KLHL29: variants seen among roughly 807,000 people sequenced by gnomAD.
The protein encoded by KLHL29 is kelch-like protein 29.
Under a neutral mutation model 80.4 loss-of-function variants are expected in KLHL29, and 21 were observed. That is an observed-to-expected ratio of 0.26 (90% CI 0.19 to 0.38). The LOEUF (loss-of-function observed/expected upper bound fraction) is 0.38. Ranked by LOEUF, KLHL29 falls within the 10% of genes least tolerant of loss-of-function variation. The pLI is 1.00. For synonymous variants in KLHL29, 511 were observed against 526.8 expected (o/e 0.97, Z 0.41); for missense variants, 867 against 1,223.9 (o/e 0.71, Z 4.35).
intron 3 of KLHL29, among the ~76,000 whole-genome samples, chr2:23,636,333 G>A (rs1669607960): frequency 6.6e-6 from 1 of 151,726 alleles, no homozygotes; most frequent in African/African-American, 2.4e-5. Flanking sequence ...ACTACAGGTT[G>A]CTTGTAGCTT....
chr2:23,638,086 A>G (rs1304282705), intron 3 of KLHL29, among the ~76,000 whole-genome samples: 1 of 18,140 alleles, frequency 5.5e-5, no homozygotes, highest in Admixed American at 2.9e-4. Flanking sequence ...TGGCCATAGT[A>G]AAAAAAAAAA....
intron 2 of KLHL29, among the ~76,000 whole-genome samples, chr2:23,537,539 G>C (rs539320434): frequency 6.7e-6 from 1 of 150,130 alleles, no homozygotes; most frequent in African/African-American, 2.4e-5. Flanking sequence ...TATTATGTCA[G>C]GTGCATTAGT....
chr2:23,608,480 G>T (rs1668782828), intron 3 of KLHL29, among the ~76,000 whole-genome samples: 1 of 151,976 alleles, frequency 6.6e-6, no homozygotes. Flanking sequence ...TCTATGCCTG[G>T]AATATCGTAG....
intron 1 of KLHL29, among the ~76,000 whole-genome samples, chr2:23,416,559 CTTTT>C: frequency 6.6e-6 from 1 of 152,172 alleles, no homozygotes; most frequent in Non-Finnish European, 1.5e-5. Context: ...GGACTCAGCC[CTTTT>C]TTGCCTGTGA....
At chr2:23,585,886 G>A (rs1668105503) in intron 3 of KLHL29, among the ~76,000 whole-genome samples, 1 of 152,190 alleles carries the variant, frequency 6.6e-6, no homozygotes, top group Admixed American at 6.5e-5. Context: ...CCACCGGGGA[G>A]AGTTTAAAAT....
intron 1 of KLHL29, among the ~76,000 whole-genome samples, chr2:23,413,442 A>C (rs1201259018): frequency 6.6e-6 from 1 of 152,202 alleles, no homozygotes. Flanking sequence ...CGTGGGTTTC[A>C]TAATATCATC....
At chr2:23,492,381 T>C (rs35240075) in intron 2 of KLHL29, among the ~76,000 whole-genome samples, 1,778 of 152,280 alleles carry the variant, frequency 0.012, 16 homozygotes, top group Non-Finnish European at 0.019. Flanking sequence ...GGGCTGCTGG[T>C]CTTCTTCACC....
chr2:23,693,313 G>A lies in KLHL29; in HGVS notation c.1327G>A (p.Ala443Thr). The change falls in exon 8 of 14, where the codon GCC (alanine) becomes ACC (threonine). Residue 443 changes from alanine to threonine, a missense_variant. Transcript: ENST00000486442. The part of the protein sequence containing the change: ...ASNCLGVLAM[A>T]EAMQCSELYH... ...CAACTGCCTGGGCGTGCTGGCCATG[G>A]CCGAGGCCATGCAGTGCAGCGAGCT... 6.5e-7 allele frequency: 1 copy of A among 1,549,702 alleles called. No homozygotes were observed. Among genetic ancestry groups the A allele is most frequent in the Non-Finnish European group, 8.7e-7 (1 of 1,146,074 alleles).
At chr2:23,528,485 A>G (rs1666392820) in intron 2 of KLHL29, among the ~76,000 whole-genome samples, 1 of 152,184 alleles carries the variant, frequency 6.6e-6, no homozygotes, top group South Asian at 2.1e-4. Flanking sequence ...TGGACCCTGC[A>G]GCCCTTATAA....
At chr2:23,403,249 C>A (rs1387427458) in intron 1 of KLHL29, among the ~76,000 whole-genome samples, 3 of 152,072 alleles carry the variant, frequency 2.0e-5, no homozygotes, top group Non-Finnish European at 4.4e-5. Flanking sequence ...CCATAGTGAG[C>A]AGTATGTGTT....
At chr2:23,651,344 G>T (rs1056922496) in intron 5 of KLHL29, among the ~76,000 whole-genome samples, 3 of 152,106 alleles carry the variant, frequency 2.0e-5, no homozygotes, top group Non-Finnish European at 4.4e-5. Context: ...GACTAAGACT[G>T]TGAACAGTCT....
At chr2:23,631,370 G>A (rs1386444821) in intron 3 of KLHL29, among the ~76,000 whole-genome samples, 3 of 152,222 alleles carry the variant, frequency 2.0e-5, no homozygotes, top group African/African-American at 7.2e-5. Flanking sequence ...AAGTTGCCCC[G>A]AAAGCAGTAA....
At chr2:23,592,967 G>T (rs961220512) in intron 3 of KLHL29, among the ~76,000 whole-genome samples, 1 of 152,248 alleles carries the variant, frequency 6.6e-6, no homozygotes, top group Admixed American at 6.5e-5. Flanking sequence ...TACCCCACTG[G>T]TCTTCTCAGG....
At chr2:23,531,174 C>G (rs1666479165) in intron 2 of KLHL29, among the ~76,000 whole-genome samples, 1 of 152,244 alleles carries the variant, frequency 6.6e-6, no homozygotes, top group African/African-American at 2.4e-5. Context: ...CCTGTACAGA[C>G]AAGTTTCAAA....
intron 2 of KLHL29, among the ~76,000 whole-genome samples, chr2:23,480,536 A>G (rs1664772581): frequency 6.6e-6 from 1 of 152,058 alleles, no homozygotes; most frequent in Admixed American, 6.6e-5. Flanking sequence ...CTTCCCCCAG[A>G]TATTCTAATT....
intron 11 of KLHL29, chr2:23,697,933 C>T (rs1241707069): frequency 2.0e-5 from 3 of 152,226 alleles, no homozygotes; most frequent in African/African-American, 7.2e-5. Flanking sequence ...GTAAACTGAA[C>T]TGGATCCGTC....
chr2:23,521,458 C>G (rs1047519310), intron 2 of KLHL29, among the ~76,000 whole-genome samples: 1 of 152,218 alleles, frequency 6.6e-6, no homozygotes, highest in Non-Finnish European at 1.5e-5. Context: ...CTCCCTAGTA[C>G]AGTGAAGCTG....
intron 1 of KLHL29, among the ~76,000 whole-genome samples, chr2:23,467,110 C>A (rs1198735768): frequency 6.6e-6 from 1 of 152,182 alleles, no homozygotes; most frequent in Admixed American, 6.5e-5. Flanking sequence ...CTTTGGTGAC[C>A]CTGCCTGGAT....
At chr2:23,400,412 C>T (rs1530046) in intron 1 of KLHL29, among the ~76,000 whole-genome samples, 10,113 of 152,216 alleles carry the variant, frequency 0.066, 628 homozygotes, top group African/African-American at 0.17. Flanking sequence ...AGTGACTTGG[C>T]TCTCTCTGCT....
Sources: allele counts gnomAD v4.1 joint callset (sites outside exome capture counted in the v4.1 genomes callset), GRCh38; gene constraint gnomAD v4.1.1; transcripts MANE v1.5; gene names NCBI Gene and HGNC (gene_info 2026-07-23, HGNC 2026-07-21).